Variants in ILDR1 observed in about 807,000 individuals in gnomAD.
The protein encoded by ILDR1 is immunoglobulin-like domain-containing receptor 1.
In ILDR1, 56 loss-of-function variants were observed where a neutral mutation model predicts 62.4. The observed-to-expected ratio is 0.90, with a 90% CI of 0.72 to 1.12. ILDR1 has a LOEUF of 1.12. ILDR1 is among the 50% of genes most tolerant of loss of function. The probability of loss-of-function intolerance (pLI) is 0.00; values close to 1 mark genes in which losing one functional copy is unlikely to be tolerated. For missense variants in ILDR1, 736 were observed against 710.6 expected (o/e 1.04, Z -0.41); for synonymous variants, 284 against 277.8 (o/e 1.02, Z -0.22).
chr3:122,027,003 C>T (rs2071927626), upstream of ILDR1, among the ~76,000 whole-genome samples: 1 of 151,982 alleles, frequency 6.6e-6, no homozygotes, highest in African/African-American at 2.4e-5. Context: ...AATATACCAG[C>T]AACATATATT....
At chr3:122,041,974 G>A in the ILDR1 span, among the ~76,000 whole-genome samples, 1 of 139,144 alleles carries the variant, frequency 7.2e-6, no homozygotes, top group Non-Finnish European at 1.5e-5. Context: ...GTGCAGGTTA[G>A]TTACATATGT....
rs76573393 is a variant in ILDR1 at position 121,995,326 on chromosome 3, T to G, written c.647-1013A>C. On this transcript the variant is annotated intron_variant, in intron 5 of 7. Coordinates refer to ENST00000344209, the MANE Select transcript of ILDR1 (RefSeq NM_001199799.2). ...TTAGGCCCCAGCCTGGCATTCTCAG[T>G]TCCTCCTTGCTTCCCTGGGCCCTGT... 7.1e-3 allele frequency among the ~76,000 whole-genome samples: 1,088 copies of G among 152,260 alleles called. 4 individuals are homozygous for G. Among genetic ancestry groups the G allele is most frequent in the Non-Finnish European group, 0.011 (750 of 68,004 alleles).
At chr3:122,019,713 T>C (rs2107680960) in intron 1 of ILDR1, among the ~76,000 whole-genome samples, 1 of 152,316 alleles carries the variant, frequency 6.6e-6, no homozygotes, top group African/African-American at 2.4e-5. Context: ...CAAGCCACAG[T>C]GACCAGCAAA....
chr3:121,996,303 A>T (rs1402651978), intron 5 of ILDR1, among the ~76,000 whole-genome samples: 1 of 152,140 alleles, frequency 6.6e-6, no homozygotes. Flanking sequence ...ACCCTTCCAG[A>T]TCCTCCATGA....
At chr3:122,007,274 G>A (rs1180119308) in intron 1 of ILDR1, 113 bp from the exon 2 acceptor site, 1 of 1,558,796 alleles carries the variant, frequency 6.4e-7, no homozygotes, top group Admixed American at 1.9e-5. Context: ...ACCTGGCTAG[G>A]AGCTCACAGA....
At chr3:121,990,052 G>T (rs1194517239) in intron 7 of ILDR1, among the ~76,000 whole-genome samples, 1 of 152,172 alleles carries the variant, frequency 6.6e-6, no homozygotes, top group African/African-American at 2.4e-5. Context: ...AACTCAAGCA[G>T]TAAACAGGAA....
chr3:121,994,226 C>T lies in ILDR1; in HGVS notation c.734G>A (p.Ser245Asn), dbSNP rs894806069. 29 of 1,536,018 alleles carry T rather than the reference C, an allele frequency of 1.9e-5. No homozygotes were observed. The African/African-American group carries it at 3.0e-4, about 16-fold the overall frequency. Residue 245 changes from serine (S) to asparagine (N), a missense_variant, in exon 6 of 8, where the codon AGC becomes AAC. Ser to Asn is a conservative substitution (Grantham distance 46). Coordinates refer to ENST00000344209, the MANE Select transcript of ILDR1 (RefSeq NM_001199799.2). The part of the protein sequence containing the change: ...GKPLYWGADR[S>N]SQVSSYPMHP... ...CATTGGATAAGATGAAACCTGGGAG[C>T]TCCTGTCCGCCCCCCAGTACAGGGG... is the stretch of plus-strand genomic sequence containing the variant.
intron 1 of ILDR1, among the ~76,000 whole-genome samples, chr3:122,009,097 C>CT (rs1202158862): frequency 6.6e-6 from 1 of 151,828 alleles, no homozygotes; most frequent in Non-Finnish European, 1.5e-5. Context: ...CCATGCCTGA[C>CT]TTTTTAAATT....
chr3:122,006,854 G>A lies in ILDR1; in HGVS notation c.229+137C>T. On this transcript the variant is annotated intron_variant, in intron 2 of 7. Transcript: ENST00000344209. ...TCCGTTTGTTTATCTATAAAACAGA[G>A]GAACTACATTAGGTGATCTTTGTGT... 3 of 859,254 alleles carry A rather than the reference G, an allele frequency of 3.5e-6. 1 individual carries two copies. Among genetic ancestry groups the A allele is most frequent in the South Asian group, 3.3e-5 (2 of 60,556 alleles). 53.2% of individuals were successfully genotyped at this position (859,254 alleles called of 1,614,324 possible). A position where few individuals can be genotyped will look rare whatever the true frequency, so the allele number is the denominator to read the frequency against.
upstream of ILDR1, among the ~76,000 whole-genome samples, chr3:122,023,607 C>G (rs34523061): frequency 0.25 from 38,364 of 152,020 alleles, 5,428 homozygotes; most frequent in Admixed American, 0.38. Flanking sequence ...AGATCTGATG[C>G]GGGATCTTAA....
chr3:122,011,052 A>G (rs11929195), intron 1 of ILDR1, among the ~76,000 whole-genome samples: 102,700 of 151,982 alleles, frequency 0.68, 35,310 homozygotes, highest in Admixed American at 0.77. Flanking sequence ...GATAATTGGT[A>G]TTCACAAGTT....
chr3:122,018,474 T>C (rs2071809975), intron 1 of ILDR1, among the ~76,000 whole-genome samples: 3 of 152,014 alleles, frequency 2.0e-5, no homozygotes, highest in South Asian at 4.1e-4. Flanking sequence ...CAAACCACTA[T>C]GGCACGTGTA....
At chr3:122,028,252 C>T in the ILDR1 span, among the ~76,000 whole-genome samples, 26 of 148,168 alleles carry the variant, frequency 1.8e-4, no homozygotes, top group South Asian at 1.5e-3. Flanking sequence ...AGGAGAATGG[C>T]GTGAACCCGG....
chr3:122,024,916 T>C (rs1431165477), upstream of ILDR1, among the ~76,000 whole-genome samples: 4 of 152,356 alleles, frequency 2.6e-5, no homozygotes, highest in East Asian at 7.7e-4. Flanking sequence ...CTAATACAAT[T>C]TCTTTCCACA....
At chr3:121,998,635 G>A (rs2071472399) in intron 5 of ILDR1, among the ~76,000 whole-genome samples, 1 of 152,164 alleles carries the variant, frequency 6.6e-6, no homozygotes, top group African/African-American at 2.4e-5. Flanking sequence ...AGTCTTGCCT[G>A]CTTTTAGTGC....
chr3:122,015,375 T>C (rs1023228568), intron 1 of ILDR1, among the ~76,000 whole-genome samples: 1 of 152,242 alleles, frequency 6.6e-6, no homozygotes, highest in Non-Finnish European at 1.5e-5. Flanking sequence ...GTATCTTTTT[T>C]TCCTTTGCTC....
At chr3:121,991,363 A>C (rs969781195) in intron 7 of ILDR1, among the ~76,000 whole-genome samples, 1 of 152,214 alleles carries the variant, frequency 6.6e-6, no homozygotes, top group Non-Finnish European at 1.5e-5. Flanking sequence ...TAGCATGTAG[A>C]TTTGGGGCCC....
the ILDR1 span, among the ~76,000 whole-genome samples, chr3:122,061,144 G>C: frequency 1.8e-4 from 28 of 152,258 alleles, no homozygotes; most frequent in African/African-American, 6.5e-4. Flanking sequence ...GAACCAATTA[G>C]TCAATACACG....
the ILDR1 span, among the ~76,000 whole-genome samples, chr3:122,039,626 A>T: frequency 6.6e-6 from 1 of 152,092 alleles, no homozygotes; most frequent in Non-Finnish European, 1.5e-5. Flanking sequence ...CACTGCAAGA[A>T]ATTTTAAAAG....
Sources: allele counts gnomAD v4.1 joint callset (sites outside exome capture counted in the v4.1 genomes callset), GRCh38; gene constraint gnomAD v4.1.1; transcripts MANE v1.5; gene names NCBI Gene and HGNC (gene_info 2026-07-23, HGNC 2026-07-21).